Variants in DAB1 observed in about 807,000 individuals in gnomAD.
DAB1 encodes the protein DAB adaptor protein 1.
In DAB1, 15 loss-of-function variants were observed where a neutral mutation model predicts 64.6. The observed-to-expected ratio is 0.23, with a 90% CI of 0.16 to 0.36. The LOEUF (loss-of-function observed/expected upper bound fraction) is 0.36. Among genes scored for constraint, DAB1 ranks in the 10% least tolerant of loss-of-function variants. The probability of loss-of-function intolerance (pLI) is 1.00; values close to 1 mark genes in which losing one functional copy is unlikely to be tolerated. For missense variants in DAB1, 596 were observed against 706.7 expected, an observed-to-expected ratio of 0.84 and a Z score of 1.78; for synonymous variants, 235 against 251.9, an observed-to-expected ratio of 0.93 and a Z score of 0.64.
intron 14 of DAB1, among the ~76,000 whole-genome samples, chr1:56,999,793 G>T (rs1645775512): frequency 6.6e-6 from 1 of 152,122 alleles, no homozygotes; most frequent in Non-Finnish European, 1.5e-5. Flanking sequence ...CCAATTTCTG[G>T]TTCCTCTAGA....
chr1:58,370,366 AGTGTGTGC>A (rs1011768837), intron 3 of DAB1, among the ~76,000 whole-genome samples: 7 of 124,566 alleles, frequency 5.6e-5, no homozygotes, highest in African/African-American at 1.8e-4. Context: ...GTTACTTATG[AGTGTGTGC>A]GTGTGTGTGT....
intron 3 of DAB1, among the ~76,000 whole-genome samples, chr1:58,395,486 C>T (rs1375656151): frequency 6.6e-6 from 1 of 152,204 alleles, no homozygotes; most frequent in African/African-American, 2.4e-5. Flanking sequence ...TATGTGGACG[C>T]TTCTGCTGGT....
intron 2 of DAB1, chr1:58,527,187 C>A: frequency 1.2e-6 from 1 of 816,306 alleles, no homozygotes; most frequent in Non-Finnish European, 2.2e-6. Context: ...TATGCCAAGC[C>A]TCATTAAAAT....
intron 2 of DAB1, among the ~76,000 whole-genome samples, chr1:57,221,226 A>T (rs1666839667): frequency 1.3e-5 from 2 of 150,760 alleles, no homozygotes; most frequent in Admixed American, 1.3e-4. Flanking sequence ...GAAGGGGAAC[A>T]TCACACACTG....
At position 58,145,771 on chromosome 1, in the gene DAB1, C is replaced by T. The variant is rs147717371; in HGVS notation, n.387+4740G>A. Among the ~76,000 whole-genome samples, 68 of 152,330 alleles carry T rather than the reference C, an allele frequency of 4.5e-4. No individual in the cohort carries two copies. In the East Asian group the frequency reaches 0.013, roughly 28 times the overall value. ...TCTGCTGGTCCAATGATTGTTTCCA[C>T]GGACATGCGCTTCACTGACATAAAA... On this transcript the variant is annotated intron_variant and non_coding_transcript_variant, in intron 5 of 20. Transcript: ENST00000485760.
intron 4 of DAB1, among the ~76,000 whole-genome samples, chr1:57,078,790 G>A (rs1056816836): frequency 3.9e-5 from 6 of 152,284 alleles, no homozygotes; most frequent in African/African-American, 1.2e-4. Flanking sequence ...ATGTTTCAGA[G>A]CTTTAAAGAT....
chr1:57,589,238 CA>C (rs1003622631), intron 7 of DAB1, among the ~76,000 whole-genome samples: 1 of 151,650 alleles, frequency 6.6e-6, no homozygotes, highest in Admixed American at 6.6e-5. Context: ...AAAAAACAAA[CA>C]AAAAAACCAT....
At chr1:57,430,031 T>TA (rs199568635) in intron 7 of DAB1, among the ~76,000 whole-genome samples, 1,939 of 152,316 alleles carry the variant, frequency 0.013, 32 homozygotes, top group African/African-American at 0.044. Flanking sequence ...AAAACGTAAT[T>TA]AGCATTTTAT....
At chr1:57,499,855 T>C (rs1420047587) in intron 7 of DAB1, among the ~76,000 whole-genome samples, 1 of 152,224 alleles carries the variant, frequency 6.6e-6, no homozygotes, top group Non-Finnish European at 1.5e-5. Context: ...CACGTCCACC[T>C]ACTATACTTG....
At chr1:57,953,037 G>T (rs2100244141) in intron 5 of DAB1, among the ~76,000 whole-genome samples, 1 of 152,326 alleles carries the variant, frequency 6.6e-6, no homozygotes, top group Admixed American at 6.5e-5. Context: ...TCCCATGTGT[G>T]ATGGTGGCTC....
rs144948436 is a variant in DAB1, at chr1:58,248,791, C to T, written n.309+94561G>A. Among the ~76,000 whole-genome samples, 522 of 152,180 alleles carry T rather than the reference C, an allele frequency of 3.4e-3. 7 individuals carry two copies. The highest frequency in any genetic ancestry group is 0.012 in the African/African-American group (499 of 41,530). On this transcript the variant is annotated intron_variant and non_coding_transcript_variant, in intron 4 of 20. Transcript: ENST00000485760. ...GCAGTGACAAACCCCGCCAGTCATT[C>T]CAAAAGCAAAAGGAAACCCCACTCT...
chr1:57,931,583 G>T (rs1013970777), intron 5 of DAB1, among the ~76,000 whole-genome samples: 1 of 152,182 alleles, frequency 6.6e-6, no homozygotes, highest in Non-Finnish European at 1.5e-5. Flanking sequence ...TTGGCAAATG[G>T]TGTCTGTCAC....
intron 3 of DAB1, among the ~76,000 whole-genome samples, chr1:58,389,170 G>C (rs1361461422): frequency 1.3e-5 from 2 of 152,208 alleles, no homozygotes; most frequent in South Asian, 2.1e-4. Context: ...CCCCATAGTG[G>C]CTCATGCCTC....
chr1:58,143,102 C>A (rs550432573), intron 5 of DAB1, among the ~76,000 whole-genome samples: 1 of 152,072 alleles, frequency 6.6e-6, no homozygotes, highest in Admixed American at 6.6e-5. Context: ...CCAGAAGATT[C>A]TAAAGCACAC....
chr1:57,946,207 C>A (rs1645181985), intron 5 of DAB1, among the ~76,000 whole-genome samples: 1 of 152,226 alleles, frequency 6.6e-6, no homozygotes, highest in Non-Finnish European at 1.5e-5. Flanking sequence ...AAAGAAGTCA[C>A]AGATGCCTTT....
At chr1:57,196,310 G>A (rs1385319402) in intron 2 of DAB1, among the ~76,000 whole-genome samples, 1 of 152,202 alleles carries the variant, frequency 6.6e-6, no homozygotes, top group East Asian at 1.9e-4. Context: ...CGTTAGCTCA[G>A]TGTAGCCATC....
chr1:57,609,613 C>T (rs1935046), intron 7 of DAB1, among the ~76,000 whole-genome samples: 141,366 of 152,290 alleles, frequency 0.93, 65,995 homozygotes, highest in East Asian at 1. Flanking sequence ...AAATGGATCC[C>T]GGTTTCCTCA....
intron 1 of DAB1, among the ~76,000 whole-genome samples, chr1:58,545,178 A>G (rs1646681064): frequency 6.6e-6 from 1 of 152,134 alleles, no homozygotes; most frequent in East Asian, 1.9e-4. Flanking sequence ...CCACAGAAAA[A>G]GAAAGCTCTC....
chr1:57,257,026 C>T (rs1669817861), intron 2 of DAB1, among the ~76,000 whole-genome samples: 1 of 152,216 alleles, frequency 6.6e-6, no homozygotes, highest in Admixed American at 6.5e-5. Flanking sequence ...GATGTGGGCT[C>T]AGCTGTCCTA....
Sources: gnomAD v4.1 joint callset for allele counts (sites outside exome capture counted in the v4.1 genomes callset) on GRCh38, gnomAD v4.1.1 for gene constraint, MANE v1.5 for transcripts, NCBI Gene and HGNC (gene_info 2026-07-23, HGNC 2026-07-21) for gene names.